The following MSH3 variants were observed in gnomAD, a reference collection of about 807,000 sequenced individuals.
MSH3 encodes the protein mutS homolog 3, also known as DNA mismatch repair protein Msh3.
A neutral mutation model predicts 123.3 loss-of-function variants in MSH3; 106 were observed. The ratio of observed to expected loss-of-function variants is 0.86; its 90% CI spans 0.73 to 1.01. MSH3 has a LOEUF of 1.01. Ranked by LOEUF, MSH3 falls within the 50% of genes least tolerant of loss-of-function variation. The pLI is 0.00. For synonymous variants in MSH3, 515 were observed against 481.4 expected, an observed-to-expected ratio of 1.07 and a Z score of -0.91; for missense variants, 1,459 against 1,347.6, an observed-to-expected ratio of 1.08 and a Z score of -1.29.
rs762238004 is a variant in MSH3, at chr5:80,867,200, TC to T, written c.3130+2260del. Among the ~76,000 whole-genome samples the T allele has an allele frequency of 2.8e-4, 42 of 152,352 alleles. 1 individual carries two copies. The Middle Eastern group carries it at 0.01, about 37-fold the overall frequency. On this transcript the variant is annotated intron_variant, in intron 22 of 23. Coordinates refer to ENST00000265081, the MANE Select transcript of MSH3 (RefSeq NM_002439.5). Reference sequence around the variant, plus strand: ...GGATGCAGTATATATAATCCCATGTTCCATGACTTCCAGAGGAAGAGTGGGC... The same window carrying T: ...GGATGCAGTATATATAATCCCATGTTCATGACTTCCAGAGGAAGAGTGGGC...
chr5:80,761,785 A>C lies in MSH3; in HGVS notation c.1896+107A>C, dbSNP rs6151798. 880 of 1,257,562 alleles carry C rather than the reference A, an allele frequency of 7.0e-4. 8 individuals carry two copies. The Admixed American group carries it at 0.016, about 24-fold the overall frequency. The allele number at this position is 1,257,562 out of a possible 1,614,324, so 77.9% of individuals were successfully genotyped here. A position where few individuals can be genotyped will look rare whatever the true frequency, so the allele number is the denominator to read the frequency against. On this transcript the variant is annotated intron_variant, in intron 13 of 23. Coordinates refer to ENST00000265081, the MANE Select transcript of MSH3 (RefSeq NM_002439.5). ...CTCTATTATTATTTTATTTTGTAAA[A>C]TCTTACAAATAGCATGCGAGAGTAG...
At chr5:80,708,012 T>C (rs945064939) in intron 8 of MSH3, among the ~76,000 whole-genome samples, 3 of 152,250 alleles carry the variant, frequency 2.0e-5, no homozygotes, top group African/African-American at 7.2e-5. Context: ...TTTTTAGTTA[T>C]AAGAATTCTT....
At chr5:80,745,452 AGGTT>A (rs1743699265) in intron 12 of MSH3, among the ~76,000 whole-genome samples, 3 of 152,246 alleles carry the variant, frequency 2.0e-5, no homozygotes, top group African/African-American at 7.2e-5. Context: ...CTTCTGAGAT[AGGTT>A]CTTGAAATGA....
intron 2 of MSH3, among the ~76,000 whole-genome samples, chr5:80,660,477 GAT>G (rs1352716702): frequency 1.3e-5 from 2 of 152,082 alleles, no homozygotes; most frequent in African/African-American, 4.8e-5. Context: ...AATTCAAGTT[GAT>G]ATTTGGGTCG....
At chr5:80,732,891 C>T (rs1230070250) in intron 10 of MSH3, among the ~76,000 whole-genome samples, 2 of 152,134 alleles carry the variant, frequency 1.3e-5, no homozygotes, top group Non-Finnish European at 2.9e-5. Flanking sequence ...TGACAAAGGA[C>T]ATTTATGAAA....
At chr5:80,660,238 A>G (rs1749402764) in intron 2 of MSH3, among the ~76,000 whole-genome samples, 1 of 151,876 alleles carries the variant, frequency 6.6e-6, no homozygotes. Flanking sequence ...ACATGTGTAG[A>G]ACATGCAGGT....
At chr5:80,860,979 C>T (rs1172425702) in intron 21 of MSH3, among the ~76,000 whole-genome samples, 1 of 152,182 alleles carries the variant, frequency 6.6e-6, no homozygotes, top group Non-Finnish European at 1.5e-5. Flanking sequence ...TCTTCATTTC[C>T]ATCACAGTGT....
chr5:80,800,443 A>G (rs1391045567), intron 19 of MSH3, among the ~76,000 whole-genome samples: 2 of 152,164 alleles, frequency 1.3e-5, no homozygotes, highest in Non-Finnish European at 2.9e-5. Context: ...CACTCATGCT[A>G]ACTGGTCCTG....
chr5:80,811,996 A>G (rs1234938811), intron 19 of MSH3, among the ~76,000 whole-genome samples: 1 of 152,020 alleles, frequency 6.6e-6, no homozygotes, highest in African/African-American at 2.4e-5. Context: ...CATTCTGCTT[A>G]TACCAAACTA....
Position 80,741,540 on chromosome 5 carries a change from C to G in MSH3, c.1645C>G (p.Gln549Glu). Reference sequence around the variant, plus strand: ...AACATTAAGGAATCTGGAAATCCTACAGAATCAGGTCAGGCAAATACAAGG... The same window carrying G: ...AACATTAAGGAATCTGGAAATCCTAGAGAATCAGGTCAGGCAAATACAAGG... ...GTTLRNLEIL[Q>E]NQTDMKTKGS... The change falls in exon 11 of 24, where the codon CAG becomes GAG. Residue 549 changes from glutamine to glutamate, a missense_variant. Physicochemically the swap from Gln to Glu is conservative, Grantham distance 29 (BLOSUM62 2). Transcript: ENST00000265081. 6.2e-7 allele frequency: 1 copy of G among 1,608,364 alleles called. No homozygotes were observed.
At chr5:80,691,791 T>TTATC (rs10655441) in intron 8 of MSH3, among the ~76,000 whole-genome samples, 87,769 of 121,220 alleles carry the variant, frequency 0.72, 33,187 homozygotes, top group African/African-American at 0.79. Flanking sequence ...GTTTATATAT[T>TTATC]TATATAAATA....
intron 8 of MSH3, among the ~76,000 whole-genome samples, chr5:80,719,560 A>G (rs1307122615): frequency 6.6e-6 from 1 of 152,204 alleles, no homozygotes; most frequent in East Asian, 1.9e-4. Flanking sequence ...TTTATCATTC[A>G]AATATCAGGT....
intron 20 of MSH3, among the ~76,000 whole-genome samples, chr5:80,822,311 C>T (rs1745216314): frequency 6.6e-6 from 1 of 152,208 alleles, no homozygotes; most frequent in Non-Finnish European, 1.5e-5. Flanking sequence ...TACTACTTCT[C>T]AGTGTCTCAG....
intron 17 of MSH3, among the ~76,000 whole-genome samples, chr5:80,780,854 C>T (rs769090049): frequency 6.6e-6 from 1 of 151,934 alleles, no homozygotes; most frequent in Non-Finnish European, 1.5e-5. Flanking sequence ...GGCAACAGAG[C>T]GTGACTGTCT....
At chr5:80,747,145 G>C (rs944103441) in intron 12 of MSH3, among the ~76,000 whole-genome samples, 1 of 152,316 alleles carries the variant, frequency 6.6e-6, no homozygotes, top group African/African-American at 2.4e-5. Context: ...ATGCAGCATT[G>C]TGGCTGCTGG....
intron 19 of MSH3, among the ~76,000 whole-genome samples, chr5:80,813,005 T>C (rs1257811015): frequency 1.3e-5 from 2 of 152,172 alleles, no homozygotes; most frequent in African/African-American, 4.8e-5. Flanking sequence ...AATACTATAA[T>C]TGATCAGTAC....
chr5:80,746,285 G>A, intron 12 of MSH3: 1 of 310,996 alleles, frequency 3.2e-6, no homozygotes, highest in South Asian at 2.7e-5. Context: ...AAACAGAGCA[G>A]GGCAGCTAGT....
chr5:80,779,144 C>T (rs1319401302), intron 17 of MSH3, among the ~76,000 whole-genome samples: 1 of 151,964 alleles, frequency 6.6e-6, no homozygotes, highest in Non-Finnish European at 1.5e-5. Flanking sequence ...AGGCACCCAC[C>T]ACTACACCCA....
rs746298546 is a variant in MSH3, at chr5:80,775,766, T to TA, written c.2318+12dup. 2 of 1,552,246 alleles carry TA rather than the reference T, an allele frequency of 1.3e-6. No individual in the cohort carries two copies. Among genetic ancestry groups the TA allele is most frequent in the Non-Finnish European group, 1.8e-6 (2 of 1,124,480 alleles). ...TTGGGTAAAGGTTGGAAGGTAGGTT[T>TA]AAAATAAATTTTTTTCTTACAATGC... On this transcript the variant is annotated intron_variant, in intron 16 of 23. Transcript: ENST00000265081.
Sources: gnomAD v4.1 joint callset for allele counts (sites outside exome capture counted in the v4.1 genomes callset) on GRCh38, gnomAD v4.1.1 for gene constraint, MANE v1.5 for transcripts, NCBI Gene and HGNC (gene_info 2026-07-23, HGNC 2026-07-21) for gene names.